Variants in DOCK9 observed in about 807,000 individuals in gnomAD.
DOCK9 encodes the protein dedicator of cytokinesis protein 9.
Under a neutral mutation model 263.3 loss-of-function variants are expected in DOCK9, and 89 were observed. The observed-to-expected ratio is 0.34, with a 90% CI of 0.28 to 0.40. DOCK9 has a LOEUF of 0.40. Ranked by LOEUF, DOCK9 falls within the 10% of genes least tolerant of loss-of-function variation. DOCK9 has a pLI of 1.00. For missense variants in DOCK9, 2,140 were observed against 2,603.4 expected, an observed-to-expected ratio of 0.82 and a Z score of 3.87; for synonymous variants, 976 against 973.1, an observed-to-expected ratio of 1.00 and a Z score of -0.06.
chr13:98,974,168 G>A (rs1391169625), intron 1 of DOCK9, among the ~76,000 whole-genome samples: 1 of 152,114 alleles, frequency 6.6e-6, no homozygotes, highest in Non-Finnish European at 1.5e-5. Context: ...TTTGAAGGGG[G>A]GTGGCGGGTA....
intron 1 of DOCK9, among the ~76,000 whole-genome samples, chr13:99,065,925 C>T (rs753636433): frequency 3.3e-5 from 5 of 152,074 alleles, no homozygotes; most frequent in South Asian, 2.1e-4. Context: ...GATGCATGTA[C>T]GAAATTTAAA....
In DOCK9 at chr13:98,835,957, C is replaced by T. The variant is rs150913794; in HGVS notation, c.4314+1537G>A. 6.4e-3 allele frequency among the ~76,000 whole-genome samples: 967 copies of T among 152,064 alleles called. 13 individuals carry two copies. The highest frequency in any genetic ancestry group is 0.022 in the African/African-American group (907 of 41,484). On this transcript the variant is annotated intron_variant, in intron 39 of 52. Transcript: ENST00000682017. ...TTCACCATGTTGGCCAGAATGGTCT[C>T]GATCTCCTGACCTCGTGATCCGCCT...
intron 1 of DOCK9, among the ~76,000 whole-genome samples, chr13:99,072,970 G>A (rs1285432077): frequency 6.6e-6 from 1 of 152,148 alleles, no homozygotes; most frequent in Non-Finnish European, 1.5e-5. Flanking sequence ...CTGCACTCCA[G>A]CCTGGGTGAC....
intron 45 of DOCK9, among the ~76,000 whole-genome samples, chr13:98,817,332 C>T (rs1319160506): frequency 6.6e-6 from 1 of 152,070 alleles, no homozygotes; most frequent in East Asian, 1.9e-4. Flanking sequence ...CTGACGCCTC[C>T]TAGCCATGCT....
intron 2 of DOCK9, among the ~76,000 whole-genome samples, chr13:98,933,503 A>C (rs913233028): frequency 3.3e-5 from 5 of 152,218 alleles, no homozygotes; most frequent in Non-Finnish European, 5.9e-5. Context: ...CATTTTTAAA[A>C]GAGGTTTACA....
rs185134139 is a variant in DOCK9, at chr13:98,850,077, G to C, written c.3983C>G (p.Ser1328Cys). ...LFTYWNKAST[S>C]ELMDFFTISE... ...TATTGTAAAAAAATCCATAAGTTCA[G>C]ATGTTGAAGCCTTGTTCCAATATGT... The change falls in exon 36 of 53, where the codon TCT becomes TGT. Residue 1328 changes from serine to cysteine, a missense_variant. Around this residue, in one of 2 missense-constraint regions of DOCK9, gnomAD observed 1,521 missense variants for 1,741.7 expected, o/e 0.87. Transcript: ENST00000682017. The C allele has an allele frequency of 6.4e-7, 1 of 1,563,414 alleles. No homozygotes were observed. The highest frequency in any genetic ancestry group is 2.0e-5 in the Admixed American group (1 of 49,636).
chr13:98,929,998 T>G (rs2053646192), intron 3 of DOCK9, among the ~76,000 whole-genome samples, 170 bp downstream of exon 3: 1 of 152,248 alleles, frequency 6.6e-6, no homozygotes, highest in Admixed American at 6.5e-5. Context: ...TGTGGACATT[T>G]CTGTCCAAGT....
At chr13:98,799,697 C>T (rs1462560030) in intron 50 of DOCK9, among the ~76,000 whole-genome samples, 1 of 152,090 alleles carries the variant, frequency 6.6e-6, no homozygotes, top group Non-Finnish European at 1.5e-5. Flanking sequence ...ATACAAAAAT[C>T]AATTCCAGAT....
intron 1 of DOCK9, among the ~76,000 whole-genome samples, chr13:99,003,095 C>A (rs1380505434): frequency 1.3e-5 from 2 of 152,158 alleles, no homozygotes; most frequent in African/African-American, 4.8e-5. Flanking sequence ...ACTACACAAG[C>A]CCCTTCCAGG....
chr13:98,986,675 C>T (rs1220255723), intron 1 of DOCK9, among the ~76,000 whole-genome samples: 1 of 152,154 alleles, frequency 6.6e-6, no homozygotes, highest in Non-Finnish European at 1.5e-5. Context: ...CCTTCTATTT[C>T]CTCCAAGCTC....
rs148884349 is a variant in DOCK9 at position 98,898,934 on chromosome 13, T to C, written c.1504-673A>G. Among the ~76,000 whole-genome samples the C allele has an allele frequency of 3.0e-3, 461 of 152,334 alleles. 2 individuals are homozygous for C. The highest frequency in any genetic ancestry group is 0.017 in the Middle Eastern group (5 of 294). The stretch of plus-strand genomic sequence containing the variant: ...CTATTATTAATCATCTATACCCCTA[T>C]TGCTAAAAAAGATAATGCTTAATTT... On this transcript the variant is annotated intron_variant, in intron 13 of 52. Transcript: ENST00000682017.
chr13:98,923,195 C>T (rs2052355869), intron 5 of DOCK9, 107 bp downstream of exon 5: 4 of 1,010,278 alleles, frequency 4.0e-6, no homozygotes, highest in African/African-American at 1.6e-5. Context: ...CACTCCAATG[C>T]CTGTTTTGGC....
intron 20 of DOCK9, chr13:98,885,399 T>C: frequency 1.9e-6 from 1 of 526,046 alleles, no homozygotes; most frequent in Non-Finnish European, 3.4e-6. Context: ...AGCTCACGAG[T>C]TCGAGACCAG....
intron 30 of DOCK9, among the ~76,000 whole-genome samples, chr13:98,864,969 T>C (rs2093980778): frequency 1.3e-5 from 2 of 152,266 alleles, no homozygotes; most frequent in Admixed American, 1.3e-4. Context: ...TCCACCATGA[T>C]TGGAAGCTTC....
chr13:98,808,568 C>A, intron 47 of DOCK9: 1 of 999,902 alleles, frequency 1.0e-6, no homozygotes, highest in South Asian at 1.4e-5. Context: ...AAAAAACATC[C>A]ACATCAAACT....
intron 1 of DOCK9, among the ~76,000 whole-genome samples, chr13:99,019,512 C>T (rs1377019062): frequency 1.3e-5 from 2 of 152,018 alleles, no homozygotes; most frequent in African/African-American, 4.8e-5. Flanking sequence ...CTTATGACAC[C>T]AACAGTAAAT....
Position 98,901,916 on chromosome 13 carries a change from T to C in DOCK9, c.1381-16A>G. ...AAAATATTCCCTAGGAGGCAAACAA[T>C]TTTCTTCAGTAAGCAGAATTCACAG... On this transcript the variant is annotated splice_polypyrimidine_tract_variant and intron_variant, in intron 12 of 52. Coordinates refer to ENST00000682017, the MANE Select transcript of DOCK9 (RefSeq NM_001366683.2). The C allele has an allele frequency of 6.2e-7, 1 of 1,609,294 alleles. No homozygotes were observed. Among genetic ancestry groups the C allele is most frequent in the Non-Finnish European group, 8.5e-7 (1 of 1,177,818 alleles).
At chr13:98,952,187 C>T (rs145227260) in intron 2 of DOCK9, among the ~76,000 whole-genome samples, 451 of 149,754 alleles carry the variant, frequency 3.0e-3, no homozygotes, top group African/African-American at 8.8e-3. Context: ...TGTGAGCCAC[C>T]GTGCCCAGCC....
intron 1 of DOCK9, among the ~76,000 whole-genome samples, chr13:99,063,263 T>C (rs186020286): frequency 2.6e-4 from 39 of 152,330 alleles, no homozygotes; most frequent in African/African-American, 8.7e-4. Context: ...TCGTGCTCTA[T>C]TCATGGCTAG....
Sources: gnomAD v4.1 joint callset for allele counts (sites outside exome capture counted in the v4.1 genomes callset) on GRCh38, gnomAD v4.1.1 for gene constraint, gnomAD v4.1.1 regional missense constraint, MANE v1.5 for transcripts, NCBI Gene and HGNC (gene_info 2026-07-23, HGNC 2026-07-21) for gene names.